The following FMN2 variants were observed in gnomAD, a reference collection of about 807,000 sequenced individuals.
FMN2 encodes formin 2.
Under a neutral mutation model 142.3 loss-of-function variants are expected in FMN2, and 51 were observed. The observed-to-expected ratio is 0.36, with a 90% CI of 0.29 to 0.45. The LOEUF (loss-of-function observed/expected upper bound fraction) is 0.45. FMN2 is among the 20% of genes least tolerant of loss of function. FMN2 has a pLI of 1.00. For synonymous variants in FMN2, 882 were observed against 869.8 expected, an observed-to-expected ratio of 1.01 and a Z score of -0.25; for missense variants, 1,936 against 2,122.8, an observed-to-expected ratio of 0.91 and a Z score of 1.73.
intron 13 of FMN2, among the ~76,000 whole-genome samples, chr1:240,338,162 C>T (rs1283932726): frequency 6.6e-6 from 1 of 152,148 alleles, no homozygotes; most frequent in South Asian, 2.1e-4. Flanking sequence ...TCTGTTCTTC[C>T]TCCCTGTACT....
chr1:240,320,198 AG>A (rs1670925086), intron 8 of FMN2, among the ~76,000 whole-genome samples: 1 of 152,144 alleles, frequency 6.6e-6, no homozygotes. Context: ...AGGAGCAAAA[AG>A]ACAGTACTTG....
chr1:240,108,707 A>C (rs1180482606), intron 1 of FMN2, among the ~76,000 whole-genome samples: 2 of 152,204 alleles, frequency 1.3e-5, no homozygotes, highest in Non-Finnish European at 2.9e-5. Context: ...TTTAAAATAC[A>C]GCAACTGTCT....
At chr1:240,148,956 A>G (rs898895450) in intron 2 of FMN2, among the ~76,000 whole-genome samples, 6 of 145,036 alleles carry the variant, frequency 4.1e-5, no homozygotes, top group African/African-American at 1.5e-4. Flanking sequence ...TGGGTGACAG[A>G]GCGAGACTCC....
intron 11 of FMN2, among the ~76,000 whole-genome samples, chr1:240,333,651 A>G (rs572806641): frequency 6.6e-6 from 1 of 152,302 alleles, no homozygotes; most frequent in East Asian, 1.9e-4. Context: ...AAGTATTTAC[A>G]GTTCAGACTT....
intron 16 of FMN2, among the ~76,000 whole-genome samples, chr1:240,445,792 G>A (rs1309627766): frequency 6.6e-6 from 1 of 151,550 alleles, no homozygotes; most frequent in Non-Finnish European, 1.5e-5. Flanking sequence ...AAATTGGAGA[G>A]TGGAGAGTGC....
chr1:240,249,152 C>G (rs1668190297), intron 6 of FMN2, among the ~76,000 whole-genome samples: 1 of 152,022 alleles, frequency 6.6e-6, no homozygotes, highest in Admixed American at 6.6e-5. Flanking sequence ...CTTTTGAGGT[C>G]TTAGCCATAA....
intron 7 of FMN2, among the ~76,000 whole-genome samples, chr1:240,275,138 G>A (rs559622487): frequency 4.0e-5 from 6 of 149,692 alleles, no homozygotes; most frequent in Non-Finnish European, 7.4e-5. Flanking sequence ...TGTGCAGAAC[G>A]TGCAGGTTTG....
intron 14 of FMN2, among the ~76,000 whole-genome samples, chr1:240,375,532 G>A (rs534657864): frequency 6.6e-6 from 1 of 152,186 alleles, no homozygotes; most frequent in African/African-American, 2.4e-5. Context: ...TATTAATAAA[G>A]CAATGCATTT....
At chr1:240,439,201 AG>A (rs1406678032) in intron 16 of FMN2, among the ~76,000 whole-genome samples, 2 of 147,242 alleles carry the variant, frequency 1.4e-5, no homozygotes, top group Non-Finnish European at 3.0e-5. Flanking sequence ...TGAACCTGGG[AG>A]GCGGAGGTTG....
intron 5 of FMN2, among the ~76,000 whole-genome samples, chr1:240,209,325 A>G (rs1042242380): frequency 1.0e-4 from 15 of 148,002 alleles, no homozygotes; most frequent in African/African-American, 5.0e-5. Context: ...GCCTCGGCCC[A>G]CTGCAAGCTC....
rs142153442 is a variant in FMN2 at position 240,260,095 on chromosome 1, T to A, written c.4153+2063T>A. On this transcript the variant is annotated intron_variant, in intron 7 of 17. Coordinates refer to ENST00000319653, the MANE Select transcript of FMN2 (RefSeq NM_020066.5). Reference sequence around the variant, plus strand: ...AATGCCATTAATTCGTTCCTTTTTATAGCTGAGTATTATTTCATCATATGG... The same window carrying A: ...AATGCCATTAATTCGTTCCTTTTTAAAGCTGAGTATTATTTCATCATATGG... 3.9e-5 allele frequency among the ~76,000 whole-genome samples: 6 copies of A among 152,344 alleles called. No individual in the cohort carries two copies. The East Asian group carries it at 1.2e-3, about 29-fold the overall frequency.
intron 2 of FMN2, among the ~76,000 whole-genome samples, chr1:240,157,146 T>C (rs1452557812): frequency 2.0e-5 from 3 of 152,238 alleles, no homozygotes; most frequent in African/African-American, 7.2e-5. Context: ...TTGTTTCCTC[T>C]ACAGTGCTGT....
chr1:240,461,147 C>T (rs1676435958), intron 16 of FMN2, among the ~76,000 whole-genome samples: 1 of 152,162 alleles, frequency 6.6e-6, no homozygotes, highest in Non-Finnish European at 1.5e-5. Flanking sequence ...TATGTGTGTG[C>T]ATTGTGAGAG....
At chr1:240,241,291 T>C (rs1667889266) in intron 6 of FMN2, among the ~76,000 whole-genome samples, 1 of 151,590 alleles carries the variant, frequency 6.6e-6, no homozygotes, top group South Asian at 2.1e-4. Context: ...CAGCTTTTTC[T>C]AAGAAAGGAA....
chr1:240,350,814 T>C (rs1234266482), intron 13 of FMN2, among the ~76,000 whole-genome samples: 1 of 152,156 alleles, frequency 6.6e-6, no homozygotes, highest in African/African-American at 2.4e-5. Flanking sequence ...AATGGATAAG[T>C]AGAAGTTCAA....
At chr1:240,393,988 T>C (rs1673694042) in intron 15 of FMN2, among the ~76,000 whole-genome samples, 1 of 152,030 alleles carries the variant, frequency 6.6e-6, no homozygotes, top group Non-Finnish European at 1.5e-5. Flanking sequence ...CTCAAATCCA[T>C]CTCCCTGACT....
intron 2 of FMN2, among the ~76,000 whole-genome samples, chr1:240,155,064 T>C (rs536163596): frequency 2.4e-4 from 36 of 151,942 alleles, no homozygotes; most frequent in African/African-American, 8.4e-4. Flanking sequence ...CTAATTTTTG[T>C]ATTTCTTGTA....
At chr1:240,331,524 T>C (rs896957475) in intron 11 of FMN2, among the ~76,000 whole-genome samples, 3 of 152,210 alleles carry the variant, frequency 2.0e-5, no homozygotes, top group African/African-American at 7.2e-5. Flanking sequence ...TTTTGAAATA[T>C]TAAGTTTAAT....
At chr1:240,180,866 T>C (rs1294619326) in intron 3 of FMN2, among the ~76,000 whole-genome samples, 1 of 149,652 alleles carries the variant, frequency 6.7e-6, no homozygotes, top group Non-Finnish European at 1.5e-5. Flanking sequence ...TGTGCCCGGG[T>C]GACCCCTTTC....
Sources: allele counts gnomAD v4.1 joint callset (sites outside exome capture counted in the v4.1 genomes callset), GRCh38; gene constraint gnomAD v4.1.1; transcripts MANE v1.5; gene names NCBI Gene and HGNC (gene_info 2026-07-23, HGNC 2026-07-21).